DLC1: variants seen among roughly 807,000 people sequenced by gnomAD.
DLC1 encodes rho GTPase-activating protein 7.
Under a neutral mutation model 140.3 loss-of-function variants are expected in DLC1, and 54 were observed. The ratio of observed to expected loss-of-function variants is 0.38; its 90% CI spans 0.31 to 0.48. The LOEUF is 0.48. Ranked by LOEUF, DLC1 falls within the 20% of genes least tolerant of loss-of-function variation. The pLI is 0.96. For missense variants in DLC1, 2,536 were observed against 1,907.0 expected (o/e 1.33, Z -6.14); for synonymous variants, 986 against 728.1 (o/e 1.35, Z -5.70).
intron 1 of DLC1, among the ~76,000 whole-genome samples, chr8:13,529,481 TTA>T (rs1803028147): frequency 6.6e-6 from 1 of 152,162 alleles, no homozygotes; most frequent in African/African-American, 2.4e-5. Context: ...GATCCAAAAA[TTA>T]TACTTAATTA....
chr8:13,289,225 A>C (rs1383275915), intron 5 of DLC1, among the ~76,000 whole-genome samples: 1 of 152,002 alleles, frequency 6.6e-6, no homozygotes, highest in Non-Finnish European at 1.5e-5. Flanking sequence ...ATTTAGAGAC[A>C]TTGTTTTGTT....
chr8:13,197,013 T>C (rs551717008), intron 5 of DLC1, among the ~76,000 whole-genome samples: 11 of 152,350 alleles, frequency 7.2e-5, no homozygotes, highest in Non-Finnish European at 1.0e-4. Flanking sequence ...ATCAATGATA[T>C]GTATCCAGTA....
chr8:13,253,044 G>A (rs1040353588), intron 5 of DLC1, among the ~76,000 whole-genome samples: 1 of 152,180 alleles, frequency 6.6e-6, no homozygotes, highest in Admixed American at 6.5e-5. Flanking sequence ...TAAGGGAAAT[G>A]AGAAGCCATC....
At chr8:13,282,541 T>C (rs1368563184) in intron 5 of DLC1, among the ~76,000 whole-genome samples, 1 of 152,218 alleles carries the variant, frequency 6.6e-6, no homozygotes, top group African/African-American at 2.4e-5. Flanking sequence ...GAACAGAATA[T>C]CTAATAGTAA....
intron 5 of DLC1, among the ~76,000 whole-genome samples, chr8:13,170,235 G>A (rs1251443791): frequency 6.6e-6 from 1 of 152,116 alleles, no homozygotes; most frequent in Non-Finnish European, 1.5e-5. Flanking sequence ...ATTTCTATAT[G>A]TTCTTTAATA....
rs191607815 is a variant in DLC1, at chr8:13,145,266, C to T, written c.1349-29609G>A. Among the ~76,000 whole-genome samples the T allele has an allele frequency of 7.0e-3, 1,013 of 144,444 alleles. 2 individuals are homozygous for T. Among genetic ancestry groups the T allele is most frequent in the Admixed American group, 0.014 (203 of 15,006 alleles). 94.8% of individuals were successfully genotyped at this position (144,444 alleles called of 152,430 possible). On this transcript the variant is annotated intron_variant, in intron 5 of 17. Coordinates refer to ENST00000276297, the MANE Select transcript of DLC1 (RefSeq NM_182643.3). ...AACTAAGCACCCAGTTCAGAAAAAG[C>T]ACAAAAGAATAAAAAAGCAAAACAA...
chr8:13,158,741 CCCCCCCGCCCG>C (rs1824447851), intron 5 of DLC1, among the ~76,000 whole-genome samples: 1 of 100,932 alleles, frequency 9.9e-6, no homozygotes, highest in Non-Finnish European at 2.1e-5. Context: ...CCTCCCCCCC[CCCCCCCGCCCG>C]CCACACATCT....
intron 5 of DLC1, among the ~76,000 whole-genome samples, chr8:13,145,184 G>A (rs1471534253): frequency 1.3e-5 from 2 of 152,094 alleles, no homozygotes; most frequent in Non-Finnish European, 2.9e-5. Flanking sequence ...AGCAGAGCCA[G>A]TATCTGATGA....
At chr8:13,203,498 T>A (rs1015800626) in intron 5 of DLC1, among the ~76,000 whole-genome samples, 2 of 152,214 alleles carry the variant, frequency 1.3e-5, no homozygotes, top group Admixed American at 1.3e-4. Flanking sequence ...AAGATTGAAT[T>A]TCCTATGAAT....
In DLC1 at chr8:13,238,332, T is replaced by A. The variant is rs186991661; in HGVS notation, c.1348+66937A>T. 2.4e-3 allele frequency among the ~76,000 whole-genome samples: 361 copies of A among 152,162 alleles called. 7 individuals are homozygous for A. Among genetic ancestry groups the A allele is most frequent in the African/African-American group, 8.0e-3 (334 of 41,538 alleles). On this transcript the variant is annotated intron_variant, in intron 5 of 17. Coordinates refer to ENST00000276297, the MANE Select transcript of DLC1 (RefSeq NM_182643.3). Reference sequence around the variant, plus strand: ...TCAAGACCAGCCTGGGCAACATGGCTGAAATCCCGTCTCTACAAATAAACA... The same window carrying A: ...TCAAGACCAGCCTGGGCAACATGGCAGAAATCCCGTCTCTACAAATAAACA...
intron 1 of DLC1, among the ~76,000 whole-genome samples, chr8:13,505,875 A>T (rs1802035399): frequency 6.6e-6 from 1 of 152,240 alleles, no homozygotes; most frequent in Admixed American, 6.5e-5. Context: ...TAAGATACAT[A>T]AAATAACATA....
At chr8:13,596,354 C>G (rs1468049289) in intron 1 of DLC1, among the ~76,000 whole-genome samples, 1 of 151,914 alleles carries the variant, frequency 6.6e-6, no homozygotes, top group Non-Finnish European at 1.5e-5. Flanking sequence ...GCCCCTCAGT[C>G]CTGTGATTCT....
intron 5 of DLC1, among the ~76,000 whole-genome samples, chr8:13,292,343 C>T (rs572731159): frequency 3.3e-5 from 5 of 152,292 alleles, no homozygotes; most frequent in South Asian, 2.1e-4. Flanking sequence ...TCTGGGAGAA[C>T]GGCTCCTGAT....
chr8:13,540,162 G>A (rs1399268601), intron 1 of DLC1, among the ~76,000 whole-genome samples: 1 of 152,192 alleles, frequency 6.6e-6, no homozygotes, highest in Non-Finnish European at 1.5e-5. Flanking sequence ...GGGATGGCAA[G>A]TATGGGATAT....
chr8:13,092,930 T>C, intron 12 of DLC1, 105 bp from the exon 13 acceptor site: 1 of 1,259,048 alleles, frequency 7.9e-7, no homozygotes, highest in Non-Finnish European at 1.1e-6. Flanking sequence ...AGCCCAGTAC[T>C]GAACAAGCAC....
chr8:13,601,882 T>G (rs1381440690), intron 1 of DLC1, among the ~76,000 whole-genome samples: 2 of 151,892 alleles, frequency 1.3e-5, no homozygotes, highest in African/African-American at 4.8e-5. Flanking sequence ...ATTTCATTTT[T>G]GGTCATTTTT....
At chr8:13,291,228 G>A (rs1831746085) in intron 5 of DLC1, among the ~76,000 whole-genome samples, 1 of 152,180 alleles carries the variant, frequency 6.6e-6, no homozygotes, top group Non-Finnish European at 1.5e-5. Context: ...CATATCTTTA[G>A]TTGGGTGAGA....
At chr8:13,416,682 T>C (rs545073471) in intron 2 of DLC1, among the ~76,000 whole-genome samples, 15 of 152,280 alleles carry the variant, frequency 9.9e-5, no homozygotes, top group Middle Eastern at 3.4e-3. Flanking sequence ...GGTGGGTACA[T>C]AGGGTTTTGT....
intron 17 of DLC1, 119 bp from the exon 18 acceptor site, chr8:13,086,050 G>C: frequency 6.9e-7 from 1 of 1,455,520 alleles, no homozygotes; most frequent in Non-Finnish European, 9.1e-7. Context: ...CCATGCCTTT[G>C]AATTCATGGC....
Sources: gnomAD v4.1 joint callset for allele counts (sites outside exome capture counted in the v4.1 genomes callset) on GRCh38, gnomAD v4.1.1 for gene constraint, MANE v1.5 for transcripts, NCBI Gene and HGNC (gene_info 2026-07-23, HGNC 2026-07-21) for gene names.